Variants in ATP8A1 observed in about 807,000 individuals in gnomAD.
The protein encoded by ATP8A1 is ATPase phospholipid transporting 8A1.
In ATP8A1, 90 loss-of-function variants were observed where a neutral mutation model predicts 177.7. That is an observed-to-expected ratio of 0.51 (90% CI 0.43 to 0.60). The LOEUF is 0.60. Among genes scored for constraint, ATP8A1 ranks in the 20% least tolerant of loss-of-function variants. ATP8A1 has a pLI of 0.00. For synonymous variants in ATP8A1, 493 were observed against 485.9 expected (o/e 1.01, Z -0.19); for missense variants, 1,072 against 1,392.8 (o/e 0.77, Z 3.67).
intron 20 of ATP8A1, among the ~76,000 whole-genome samples, chr4:42,535,238 G>A (rs1207266981): frequency 6.6e-6 from 1 of 152,034 alleles, no homozygotes; most frequent in Non-Finnish European, 1.5e-5. Context: ...TGACATATTA[G>A]GGCTCATAAA....
chr4:42,518,567 A>G (rs1725801380), intron 22 of ATP8A1, among the ~76,000 whole-genome samples: 1 of 152,138 alleles, frequency 6.6e-6, no homozygotes, highest in African/African-American at 2.4e-5. Flanking sequence ...CGTCAATTAT[A>G]TATATTATGA....
At position 42,485,640 on chromosome 4, in the gene ATP8A1, C is replaced by T. The variant is rs769547505; in HGVS notation, c.2180G>A (p.Cys727Tyr). The T allele has an allele frequency of 2.5e-6, 4 of 1,611,752 alleles. No homozygotes were observed. Among genetic ancestry groups the T allele is most frequent in the Non-Finnish European group, 3.4e-6 (4 of 1,179,354 alleles). ...CCGGAGAGCATCACCAAGGGTAGTA[C>T]AGTGACGACTGAGAGTTTCCCTTGT... ...DGTRETLSRH[C>Y]TTLGDALRKE... is the part of the protein sequence containing the mutation. Residue 727 changes from cysteine to tyrosine, a missense_variant, in exon 25 of 37, where the codon TGT becomes TAT. By Grantham distance (194) the Cys-to-Tyr change is radical. Transcript: ENST00000381668.
chr4:42,468,287 T>C (rs1163488254), intron 25 of ATP8A1, among the ~76,000 whole-genome samples: 2 of 152,198 alleles, frequency 1.3e-5, no homozygotes, highest in African/African-American at 4.8e-5. Context: ...TGCATGTTTA[T>C]AGCAGCACAA....
Position 42,524,815 on chromosome 4 carries a change from C to G in ATP8A1, c.1755G>C (p.Thr585=). 6.2e-7 allele frequency: 1 copy of G among 1,609,764 alleles called. No individual in the cohort carries two copies. The highest frequency in any genetic ancestry group is 8.5e-7 in the Non-Finnish European group (1 of 1,178,190). The change falls in exon 21 of 37, where the codon ACG becomes ACC. Residue 585 remains threonine, a synonymous_variant. Transcript: ENST00000381668. ...TTAGGGTAATTTCTTTGTATTTTGA[C>G]GTCTCTGCCAGTCGATCATAAATTA... is the stretch of plus-strand genomic sequence containing the variant. ...DTVIYDRLAE[T]SKYKEITLKH...
At chr4:42,554,507 AAG>A (rs1175331802) in intron 16 of ATP8A1, among the ~76,000 whole-genome samples, 2 of 152,176 alleles carry the variant, frequency 1.3e-5, no homozygotes, top group Non-Finnish European at 2.9e-5. Flanking sequence ...TCGCGCAGAA[AAG>A]AGAGATACAA....
Position 42,656,838 on chromosome 4 carries a change from G to C in ATP8A1, c.36C>G (p.Arg12=). The part of the protein sequence containing the change: ...PTMRRTVSEI[R]SRAEGYEKTD... ...GCGGCCCCTTACCTTCGGCGCGCGA[G>C]CGGATCTCCGACACGGTCCTCCGCA... The change falls in exon 1 of 37, where the codon CGC becomes CGG. Residue 12 remains arginine (R), a synonymous_variant. Transcript: ENST00000381668. 1 of 1,584,646 alleles carries C rather than the reference G, an allele frequency of 6.3e-7. No homozygotes were observed. The highest frequency in any genetic ancestry group is 1.2e-5 in the South Asian group (1 of 86,756).
intron 24 of ATP8A1, among the ~76,000 whole-genome samples, chr4:42,492,374 G>C (rs1274651000): frequency 2.6e-5 from 4 of 152,138 alleles, no homozygotes; most frequent in African/African-American, 9.7e-5. Flanking sequence ...TATGGAATGA[G>C]GGTCTGTATC....
At chr4:42,516,422 C>T (rs1022717319) in intron 22 of ATP8A1, among the ~76,000 whole-genome samples, 2 of 152,032 alleles carry the variant, frequency 1.3e-5, no homozygotes, top group Non-Finnish European at 2.9e-5. Context: ...TCCCAATCCA[C>T]GCATCATAAT....
At position 42,657,026 on chromosome 4, in the gene ATP8A1, C is replaced by T; in HGVS notation, c.-153G>A. The T allele has an allele frequency of 9.9e-6, 7 of 709,658 alleles. No homozygotes were observed. Among genetic ancestry groups the T allele is most frequent in the East Asian group, 6.9e-5 (2 of 28,924 alleles). The allele number at this position is 709,658 out of a possible 1,614,324, so 44.0% of individuals were successfully genotyped here. A position where few individuals can be genotyped will look rare whatever the true frequency, so the allele number is the denominator to read the frequency against. ...AGGGCAGAGCTGCCGCCGGGCGCGGCCCCCGCACGCCGACAGGAGGAGGAG... is the reference window on the plus strand; with the variant it reads ...AGGGCAGAGCTGCCGCCGGGCGCGGTCCCCGCACGCCGACAGGAGGAGGAG... On this transcript the variant is annotated 5_prime_UTR_variant, in exon 1 of 37. Transcript: ENST00000381668.
intron 15 of ATP8A1, among the ~76,000 whole-genome samples, chr4:42,560,488 A>G (rs189498826): frequency 2.7e-4 from 41 of 152,242 alleles, no homozygotes; most frequent in African/African-American, 9.9e-4. Flanking sequence ...TCATGCACAC[A>G]CGAAAAAAGC....
At chr4:42,646,829 A>G (rs1231441833) in intron 1 of ATP8A1, among the ~76,000 whole-genome samples, 1 of 152,158 alleles carries the variant, frequency 6.6e-6, no homozygotes, top group Non-Finnish European at 1.5e-5. Context: ...TAAAACAGAC[A>G]CCTCTCTTTG....
intron 33 of ATP8A1, among the ~76,000 whole-genome samples, chr4:42,426,509 A>C (rs1714637880): frequency 6.6e-6 from 1 of 152,248 alleles, no homozygotes. Flanking sequence ...GGCCCTTCCC[A>C]GCTAATCAGA....
Position 42,649,022 on chromosome 4 carries a change from T to C in ATP8A1, c.49+7803A>G, listed in dbSNP as rs112112113. On this transcript the variant is annotated intron_variant, in intron 1 of 36. Coordinates refer to ENST00000381668, the MANE Select transcript of ATP8A1 (RefSeq NM_006095.2). ...ATGTATCAAAAGTCATAAAAAGATATATACTTTTGACCCAGAAATCCCATT... is the reference window on the plus strand; with the variant it reads ...ATGTATCAAAAGTCATAAAAAGATACATACTTTTGACCCAGAAATCCCATT... Among the ~76,000 whole-genome samples, 155 of 152,280 alleles carry C rather than the reference T, an allele frequency of 1.0e-3. 2 individuals are homozygous for C. The highest frequency in any genetic ancestry group is 3.3e-3 in the African/African-American group (137 of 41,548).
At chr4:42,474,181 T>C (rs776433248) in intron 25 of ATP8A1, among the ~76,000 whole-genome samples, 4 of 152,152 alleles carry the variant, frequency 2.6e-5, no homozygotes, top group Non-Finnish European at 5.9e-5. Flanking sequence ...AATTATCAAC[T>C]ACAAATTCAA....
chr4:42,562,740 C>T (rs1730967864), intron 15 of ATP8A1, among the ~76,000 whole-genome samples: 1 of 152,128 alleles, frequency 6.6e-6, no homozygotes, highest in East Asian at 1.9e-4. Flanking sequence ...CTGTGCTGTT[C>T]TCGTGACAGT....
intron 20 of ATP8A1, among the ~76,000 whole-genome samples, chr4:42,540,354 T>C (rs1232201025): frequency 6.6e-6 from 1 of 152,094 alleles, no homozygotes; most frequent in Admixed American, 6.6e-5. Context: ...GTACAGCCAC[T>C]ATGGAAAATA....
chr4:42,461,157 T>C (rs996173308), intron 27 of ATP8A1, among the ~76,000 whole-genome samples: 1 of 152,104 alleles, frequency 6.6e-6, no homozygotes, highest in African/African-American at 2.4e-5. Flanking sequence ...AAATGTCTCA[T>C]TAATAATTTT....
At chr4:42,506,156 T>C (rs908833693) in intron 23 of ATP8A1, among the ~76,000 whole-genome samples, 1 of 152,152 alleles carries the variant, frequency 6.6e-6, no homozygotes, top group African/African-American at 2.4e-5. Context: ...GTCTGAATGT[T>C]TGTGTTCCCC....
chr4:42,582,004 T>C (rs1053606184), intron 9 of ATP8A1, among the ~76,000 whole-genome samples: 5 of 152,210 alleles, frequency 3.3e-5, no homozygotes, highest in Non-Finnish European at 5.9e-5. Flanking sequence ...ATGTTGAAGT[T>C]CTTACCACCA....
Sources: gnomAD v4.1 joint callset for allele counts (sites outside exome capture counted in the v4.1 genomes callset) on GRCh38, gnomAD v4.1.1 for gene constraint, MANE v1.5 for transcripts, NCBI Gene and HGNC (gene_info 2026-07-23, HGNC 2026-07-21) for gene names.